Variants in HSPBAP1 observed in about 807,000 individuals in gnomAD.
HSPBAP1 encodes HSPB1 associated protein 1.
In HSPBAP1, 27 loss-of-function variants were observed where a neutral mutation model predicts 45.2. That is an observed-to-expected ratio of 0.60 (90% confidence interval 0.44 to 0.82). The LOEUF is 0.82. HSPBAP1 is among the 40% of genes least tolerant of loss of function. The pLI, the probability that HSPBAP1 is intolerant of heterozygous loss-of-function variation, is 0.00. For missense variants in HSPBAP1, 510 were observed against 590.9 expected (o/e 0.86, Z 1.42); for synonymous variants, 204 against 202.7 (o/e 1.01, Z -0.06).
chr3:122,742,494 G>C (rs1043916531), intron 6 of HSPBAP1, among the ~76,000 whole-genome samples: 1 of 152,234 alleles, frequency 6.6e-6, no homozygotes, highest in Non-Finnish European at 1.5e-5. Flanking sequence ...CAGAAACCTG[G>C]GAGTTCCTCA....
intron 4 of HSPBAP1, 32 bp from the exon 5 acceptor site, chr3:122,755,463 T>G: frequency 7.6e-7 from 1 of 1,322,656 alleles, no homozygotes; most frequent in Non-Finnish European, 1.0e-6. Context: ...AGATACAAGT[T>G]AGTACTCTGA....
Position 122,768,841 on chromosome 3 carries a change from G to A in HSPBAP1, c.292C>T (p.Leu98Phe). The A allele has an allele frequency of 1.2e-6, 2 of 1,612,750 alleles. No homozygotes were observed. Among genetic ancestry groups the A allele is most frequent in the East Asian group, 2.2e-5 (1 of 44,852 alleles). The change falls in exon 3 of 8, where the codon CTC becomes TTC. Residue 98 changes from leucine (L) to phenylalanine (F), a missense_variant. Coordinates refer to ENST00000306103, the MANE Select transcript of HSPBAP1 (RefSeq NM_024610.6). Reference protein sequence around the residue: ...ETTCNYVEATLEEFLTWNCDQ... With the variant: ...ETTCNYVEATFEEFLTWNCDQ... ...CAGTTCCAGGTCAGAAACTCTTCGA[G>A]TGTAGCTTCTACGTAATTACATGTA...
At position 122,746,923 on chromosome 3, in the gene HSPBAP1, G is replaced by A. The variant is rs577400543; in HGVS notation, c.825+5668C>T. 3.7e-3 allele frequency among the ~76,000 whole-genome samples: 555 copies of A among 152,024 alleles called. 2 individuals carry two copies. The highest frequency in any genetic ancestry group is 5.8e-3 in the Non-Finnish European group (392 of 67,922). On this transcript the variant is annotated intron_variant, in intron 6 of 7. Transcript: ENST00000306103. Reference sequence around the variant, plus strand: ...GCCAGCCTCGGCCTCCCGAGGTGCTGGGATTGCAGACGGAGTCTCGTTCAC... The same window carrying A: ...GCCAGCCTCGGCCTCCCGAGGTGCTAGGATTGCAGACGGAGTCTCGTTCAC...
intron 2 of HSPBAP1, among the ~76,000 whole-genome samples, chr3:122,769,126 C>CA (rs1184552988): frequency 2.0e-5 from 3 of 148,622 alleles, no homozygotes; most frequent in Non-Finnish European, 4.5e-5. Flanking sequence ...ACCCCATCTC[C>CA]AAAAAAAAAT....
chr3:122,780,549 C>CG (rs1160100983), intron 1 of HSPBAP1, among the ~76,000 whole-genome samples: 6 of 131,538 alleles, frequency 4.6e-5, no homozygotes, highest in African/African-American at 6.7e-5. Context: ...GCTGGCCGGA[C>CG]GGGGGGCTGA....
At chr3:122,786,813 G>A (rs1242506786) in intron 1 of HSPBAP1, among the ~76,000 whole-genome samples, 1 of 152,106 alleles carries the variant, frequency 6.6e-6, no homozygotes, top group African/African-American at 2.4e-5. Context: ...AGAATTTCAG[G>A]CCCATCGTGA....
intron 6 of HSPBAP1, among the ~76,000 whole-genome samples, chr3:122,749,556 A>C (rs1284291514): frequency 6.6e-6 from 1 of 152,194 alleles, no homozygotes; most frequent in African/African-American, 2.4e-5. Context: ...TTTTACTTGC[A>C]AGCTTTATGG....
At chr3:122,743,347 A>T (rs1933733660) in intron 6 of HSPBAP1, among the ~76,000 whole-genome samples, 1 of 152,178 alleles carries the variant, frequency 6.6e-6, no homozygotes. Context: ...AGGCGGGTGG[A>T]TCACCTGAGG....
intron 7 of HSPBAP1, 59 bp downstream of exon 7, chr3:122,740,944 G>A: frequency 6.2e-7 from 1 of 1,606,664 alleles, no homozygotes; most frequent in Non-Finnish European, 8.5e-7. Flanking sequence ...ATATGTTCTA[G>A]TCAGGGCTGG....
chr3:122,782,697 C>CGTTA (rs1935527751), intron 1 of HSPBAP1, among the ~76,000 whole-genome samples: 1 of 152,034 alleles, frequency 6.6e-6, no homozygotes, highest in Non-Finnish European at 1.5e-5. Context: ...ATCAGCTAAC[C>CGTTA]CTCTATTTTA....
In HSPBAP1 at chr3:122,759,300, T is replaced by C; in HGVS notation, c.493A>G (p.Ile165Val). ...GGTGTGTGGGCTCCCAAGGAGCCAA[T>C]CCACAATGTACTTTCCTGTCCATTT... ...GRNGQESTLW[I>V]GSLGAHTPCH... The change falls in exon 4 of 8, where the codon ATT (isoleucine) becomes GTT (valine). Residue 165 changes from isoleucine to valine, a missense_variant. Ile to Val is a conservative substitution (Grantham distance 29). Transcript: ENST00000306103. 4.3e-6 allele frequency: 7 copies of C among 1,613,842 alleles called. No individual in the cohort carries two copies. The highest frequency in any genetic ancestry group is 5.9e-6 in the Non-Finnish European group (7 of 1,179,864).
At position 122,755,191 on chromosome 3, in the gene HSPBAP1, A is replaced by T. The variant is rs1934302127; in HGVS notation, c.741+69T>A. ...TGCGCAGGGAGGGGAAGCACACAGCATAAGGACTTGAGAGAGTTACAGCTG... is the reference window on the plus strand; with the variant it reads ...TGCGCAGGGAGGGGAAGCACACAGCTTAAGGACTTGAGAGAGTTACAGCTG... On this transcript the variant is annotated intron_variant, in intron 5 of 7. Coordinates refer to ENST00000306103, the MANE Select transcript of HSPBAP1 (RefSeq NM_024610.6). 4 of 1,337,592 alleles carry T rather than the reference A, an allele frequency of 3.0e-6. No homozygotes were observed. The African/African-American group carries it at 6.0e-5, about 20-fold the overall frequency. 82.9% of individuals were successfully genotyped at this position (1,337,592 alleles called of 1,614,324 possible).
intron 6 of HSPBAP1, among the ~76,000 whole-genome samples, chr3:122,743,980 T>G (rs746281470): frequency 7.9e-5 from 12 of 152,092 alleles, no homozygotes; most frequent in Non-Finnish European, 1.6e-4. Flanking sequence ...ACCACTGCAC[T>G]CCAGCCTGGG....
intron 1 of HSPBAP1, among the ~76,000 whole-genome samples, chr3:122,782,989 A>C (rs1182104775): frequency 6.6e-6 from 1 of 152,208 alleles, no homozygotes; most frequent in African/African-American, 2.4e-5. Context: ...AGCCCTTGGC[A>C]GCTGACATTT....
rs768820856 is a variant in HSPBAP1, at chr3:122,741,021, G to A, written c.918C>T (p.Ala306=). ...CGCCTACCTCAGTGGGGTTTAACCAGGCTCTGGTATTTTGTGGATTCTCTG... is the reference window on the plus strand; with the variant it reads ...CGCCTACCTCAGTGGGGTTTAACCAAGCTCTGGTATTTTGTGGATTCTCTG... ...KTAENPQNTR[A]WLNPTEVEET... The change falls in exon 7 of 8, where the codon GCC becomes GCT. Residue 306 remains alanine (A), a synonymous_variant. Coordinates refer to ENST00000306103, the MANE Select transcript of HSPBAP1 (RefSeq NM_024610.6). 48 of 1,613,986 alleles carry A rather than the reference G, an allele frequency of 3.0e-5. No homozygotes were observed. Among genetic ancestry groups the A allele is most frequent in the Non-Finnish European group, 3.8e-5 (45 of 1,179,948 alleles).
intron 1 of HSPBAP1, among the ~76,000 whole-genome samples, chr3:122,780,207 C>T (rs1204656557): frequency 2.1e-5 from 2 of 93,434 alleles, no homozygotes; most frequent in African/African-American, 3.9e-5. Context: ...ACCTCCCTCC[C>T]GGACGGGGCG....
rs1935235476 is a variant in HSPBAP1, at chr3:122,777,767, A to G, written c.204T>C (p.His68=). The G allele has an allele frequency of 6.2e-7, 1 of 1,614,060 alleles. No homozygotes were observed. The highest frequency in any genetic ancestry group is 1.7e-5 in the Admixed American group (1 of 60,022). The change falls in exon 2 of 8, where the codon CAT becomes CAC. Residue 68 remains histidine (H), a synonymous_variant. Coordinates refer to ENST00000306103, the MANE Select transcript of HSPBAP1 (RefSeq NM_024610.6). Reference sequence around the variant, plus strand: ...CCATTCTGAATCGTATCTGCTTGCCATGAAGGACCTGCGAAAGGTATTTAG... The same window carrying G: ...CCATTCTGAATCGTATCTGCTTGCCGTGAAGGACCTGCGAAAGGTATTTAG... The part of the protein sequence containing the change: ...WNAKYLSQVL[H]GKQIRFRMGM...
At chr3:122,764,589 C>T (rs1242320826) in intron 3 of HSPBAP1, among the ~76,000 whole-genome samples, 2 of 152,154 alleles carry the variant, frequency 1.3e-5, no homozygotes, top group Admixed American at 1.3e-4. Context: ...ATGATTTTGA[C>T]ACTTAACTGA....
intron 2 of HSPBAP1, among the ~76,000 whole-genome samples, chr3:122,775,090 A>C (rs1193096375): frequency 6.6e-6 from 1 of 152,108 alleles, no homozygotes; most frequent in East Asian, 1.9e-4. Context: ...AAATCATACA[A>C]TCTCAAGAGA....
Sources: allele counts gnomAD v4.1 joint callset (sites outside exome capture counted in the v4.1 genomes callset), GRCh38; gene constraint gnomAD v4.1.1; transcripts MANE v1.5; gene names NCBI Gene and HGNC (gene_info 2026-07-23, HGNC 2026-07-21).